The following GRM7 variants were observed in gnomAD, a reference collection of about 807,000 sequenced individuals.
The protein encoded by GRM7 is metabotropic glutamate receptor 7.
In GRM7, 35 loss-of-function variants were observed where a neutral mutation model predicts 84.5. The ratio of observed to expected loss-of-function variants is 0.41; its 90% confidence interval spans 0.32 to 0.55. The LOEUF is 0.55. Ranked by LOEUF, GRM7 falls within the 20% of genes least tolerant of loss-of-function variation. The probability of loss-of-function intolerance (pLI) is 0.19; values close to 1 mark genes in which losing one functional copy is unlikely to be tolerated. For synonymous variants in GRM7, 487 were observed against 455.1 expected (o/e 1.07, Z -0.89); for missense variants, 1,003 against 1,194.6 (o/e 0.84, Z 2.36).
At chr3:6,875,611 CTT>C (rs1292724395) in intron 1 of GRM7, among the ~76,000 whole-genome samples, 1 of 152,166 alleles carries the variant, frequency 6.6e-6, no homozygotes, top group Non-Finnish European at 1.5e-5. Context: ...TTGGGTATGT[CTT>C]TATTAGCAGT....
chr3:7,528,904 A>T (rs1303578160), intron 7 of GRM7, among the ~76,000 whole-genome samples: 1 of 151,962 alleles, frequency 6.6e-6, no homozygotes, highest in Non-Finnish European at 1.5e-5. Flanking sequence ...TAGTTTTTTT[A>T]AATTTATTGA....
At chr3:7,596,449 T>C (rs1226165334) in intron 8 of GRM7, among the ~76,000 whole-genome samples, 1 of 151,998 alleles carries the variant, frequency 6.6e-6, no homozygotes, top group Non-Finnish European at 1.5e-5. Context: ...GTAGGCATAA[T>C]TGTAGATCGA....
rs771398842 is a variant in GRM7 at position 7,579,306 on chromosome 3, A to G, written c.2400A>G (p.Val800=). The change falls in exon 8 of 10, where the codon GTA becomes GTG. Residue 800 remains valine, a synonymous_variant. Coordinates refer to ENST00000357716, the MANE Select transcript of GRM7 (RefSeq NM_000844.4). ...IGFTMYTTCI[V]WLAFIPIFFG... ...TCACTATGTACACGACATGTATAGT[A>G]TGGCTTGCCTTCATTCCAATTTTTT... 1.3e-6 allele frequency: 2 copies of G among 1,594,252 alleles called. No individual in the cohort carries two copies. Among genetic ancestry groups the G allele is most frequent in the South Asian group, 2.3e-5 (2 of 88,236 alleles).
chr3:7,292,161 G>T (rs1699655043), intron 2 of GRM7, among the ~76,000 whole-genome samples: 1 of 152,126 alleles, frequency 6.6e-6, no homozygotes, highest in South Asian at 2.1e-4. Flanking sequence ...ATACAGGAGG[G>T]TTGGACAGTC....
intron 5 of GRM7, among the ~76,000 whole-genome samples, chr3:7,432,598 A>G (rs1696874781): frequency 6.6e-6 from 1 of 152,170 alleles, no homozygotes; most frequent in African/African-American, 2.4e-5. Flanking sequence ...CTAGGATTAC[A>G]GATGTGAGCC....
At chr3:7,283,233 G>C (rs1201456193) in intron 2 of GRM7, among the ~76,000 whole-genome samples, 1 of 152,044 alleles carries the variant, frequency 6.6e-6, no homozygotes, top group Non-Finnish European at 1.5e-5. Flanking sequence ...CAGAGAGAAA[G>C]GTATTTAACC....
At chr3:7,298,151 A>G (rs987993013) in intron 2 of GRM7, among the ~76,000 whole-genome samples, 2 of 152,120 alleles carry the variant, frequency 1.3e-5, no homozygotes, top group Non-Finnish European at 2.9e-5. Flanking sequence ...GTTTGTTGCT[A>G]TGATTTAGTA....
rs1699867571 is a variant in GRM7 at position 7,501,063 on chromosome 3, A to G, written c.1515+39341A>G. 2.0e-5 allele frequency among the ~76,000 whole-genome samples: 3 copies of G among 152,194 alleles called. No individual in the cohort carries two copies. In the South Asian group the frequency reaches 6.2e-4, roughly 32 times the overall value. On this transcript the variant is annotated intron_variant, in intron 7 of 9. Transcript: ENST00000357716. ...GTATCAATGAAGTAAAAAGATAACT[A>G]ATGTAACAGCTGATCTTTATTGACT...
At chr3:6,938,190 C>A (rs916190933) in intron 1 of GRM7, among the ~76,000 whole-genome samples, 3 of 152,198 alleles carry the variant, frequency 2.0e-5, no homozygotes, top group Admixed American at 6.5e-5. Flanking sequence ...TGTTCCCCTT[C>A]ATTCACCATT....
intron 4 of GRM7, among the ~76,000 whole-genome samples, chr3:7,367,277 G>T (rs1044203155): frequency 2.0e-5 from 3 of 151,442 alleles, no homozygotes; most frequent in African/African-American, 7.3e-5. Context: ...CTGTATGTAC[G>T]ACACCATTGC....
intron 8 of GRM7, among the ~76,000 whole-genome samples, chr3:7,620,699 C>A (rs1300147537): frequency 6.6e-6 from 1 of 152,092 alleles, no homozygotes; most frequent in Non-Finnish European, 1.5e-5. Context: ...TTACTTTTCT[C>A]TTCATTTTTA....
chr3:7,266,056 T>C (rs555497519), intron 2 of GRM7, among the ~76,000 whole-genome samples: 1 of 152,212 alleles, frequency 6.6e-6, no homozygotes, highest in African/African-American at 2.4e-5. Flanking sequence ...GGTGCATCTC[T>C]ACAACAATGA....
At chr3:7,574,807 G>A (rs909509802) in intron 7 of GRM7, among the ~76,000 whole-genome samples, 6 of 152,180 alleles carry the variant, frequency 3.9e-5, no homozygotes, top group African/African-American at 1.4e-4. Context: ...TCTGAGACCA[G>A]TGAGCTTTCT....
rs536420364 is a variant in GRM7, at chr3:7,420,767, A to G, written c.1174+5604A>G. Among the ~76,000 whole-genome samples the G allele has an allele frequency of 4.6e-4, 70 of 152,312 alleles. 2 individuals carry two copies. The South Asian group carries it at 0.012, about 27-fold the overall frequency. On this transcript the variant is annotated intron_variant, in intron 5 of 9. Coordinates refer to ENST00000357716, the MANE Select transcript of GRM7 (RefSeq NM_000844.4). ...GGTTAATTAATTCATTTATTTAAAA[A>G]TGAATGTTAAATACTAAATCCTTAC...
chr3:6,936,192 C>T (rs557173973), intron 1 of GRM7, among the ~76,000 whole-genome samples: 1 of 152,210 alleles, frequency 6.6e-6, no homozygotes, highest in Non-Finnish European at 1.5e-5. Flanking sequence ...GTGTTCTGCT[C>T]TTGCAGTGCA....
At chr3:6,955,714 T>A (rs573601751) in intron 1 of GRM7, among the ~76,000 whole-genome samples, 10 of 151,386 alleles carry the variant, frequency 6.6e-5, no homozygotes. Flanking sequence ...TCATGGCACA[T>A]GGCTGTAATC....
intron 1 of GRM7, among the ~76,000 whole-genome samples, chr3:6,996,235 A>G (rs191096827): frequency 4.1e-4 from 62 of 152,114 alleles, no homozygotes; most frequent in African/African-American, 1.2e-3. Context: ...TTTTAAGTAG[A>G]GATGGGATGT....
intron 4 of GRM7, among the ~76,000 whole-genome samples, chr3:7,367,542 C>T (rs1048357952): frequency 1.3e-5 from 2 of 151,796 alleles, no homozygotes; most frequent in African/African-American, 4.8e-5. Flanking sequence ...TGTTATTTCC[C>T]TTTTCCTCTT....
chr3:6,885,410 G>T (rs1363535543), intron 1 of GRM7, among the ~76,000 whole-genome samples: 1 of 152,212 alleles, frequency 6.6e-6, no homozygotes, highest in South Asian at 2.1e-4. Context: ...GGGTTGTCCA[G>T]GTTGTTGCCG....
Sources: gnomAD v4.1 joint callset for allele counts (sites outside exome capture counted in the v4.1 genomes callset) on GRCh38, gnomAD v4.1.1 for gene constraint, MANE v1.5 for transcripts, NCBI Gene and HGNC (gene_info 2026-07-23, HGNC 2026-07-21) for gene names.